Variants in NBAS observed in about 807,000 individuals in gnomAD.
NBAS encodes NBAS subunit of NRZ tethering complex.
In NBAS, 219 loss-of-function variants were observed where a neutral mutation model predicts 302.5. The observed-to-expected ratio is 0.72, with a 90% CI of 0.65 to 0.81. The LOEUF is 0.81. Among genes scored for constraint, NBAS ranks in the 30% least tolerant of loss-of-function variants. NBAS has a pLI of 0.00. For missense variants in NBAS, 2,932 were observed against 2,841.6 expected, an observed-to-expected ratio of 1.03 and a Z score of -0.72; for synonymous variants, 1,118 against 1,021.6, an observed-to-expected ratio of 1.09 and a Z score of -1.80.
At chr2:14,985,452 T>A in the NBAS span, among the ~76,000 whole-genome samples, 1 of 152,182 alleles carries the variant, frequency 6.6e-6, no homozygotes, top group Non-Finnish European at 1.5e-5. Context: ...GCAGAGACGA[T>A]AGGAAGTAAA....
the NBAS span, among the ~76,000 whole-genome samples, chr2:15,022,989 A>G: frequency 1.7e-3 from 250 of 151,332 alleles, 6 homozygotes; most frequent in South Asian, 0.031. Context: ...CACCTACATC[A>G]ACCTCCCCAC....
the NBAS span, among the ~76,000 whole-genome samples, chr2:14,911,528 G>A: frequency 6.6e-6 from 1 of 152,154 alleles, no homozygotes; most frequent in Non-Finnish European, 1.5e-5. Context: ...CGGTTTTAGA[G>A]TGAGGCACAC....
chr2:15,365,736 T>C (rs963419377), intron 32 of NBAS, among the ~76,000 whole-genome samples: 2 of 152,348 alleles, frequency 1.3e-5, no homozygotes, highest in African/African-American at 2.4e-5. Flanking sequence ...TTAAGACTCC[T>C]ACATAATACA....
intron 28 of NBAS, among the ~76,000 whole-genome samples, chr2:15,392,402 G>T (rs1675653277): frequency 6.6e-6 from 1 of 151,734 alleles, no homozygotes; most frequent in African/African-American, 2.4e-5. Flanking sequence ...AACTATTAGA[G>T]CTAATAAGTA....
At chr2:15,296,897 G>C (rs1670576463) in intron 40 of NBAS, among the ~76,000 whole-genome samples, 1 of 152,108 alleles carries the variant, frequency 6.6e-6, no homozygotes, top group Non-Finnish European at 1.5e-5. Flanking sequence ...ACAAATTATA[G>C]CCATCAGATT....
chr2:15,272,350 A>G (rs1325584495), intron 44 of NBAS, among the ~76,000 whole-genome samples: 1 of 152,228 alleles, frequency 6.6e-6, no homozygotes, highest in African/African-American at 2.4e-5. Context: ...CATTTTTAAC[A>G]TCATGTACAA....
intron 21 of NBAS, among the ~76,000 whole-genome samples, chr2:15,459,302 T>C (rs1431898461): frequency 6.6e-6 from 1 of 152,192 alleles, no homozygotes; most frequent in Non-Finnish European, 1.5e-5. Context: ...CTTTTCTCTA[T>C]ACTAACAATT....
the NBAS span, among the ~76,000 whole-genome samples, chr2:14,975,332 A>G: frequency 1.3e-5 from 2 of 152,234 alleles, no homozygotes; most frequent in East Asian, 3.8e-4. Flanking sequence ...ATATGCCTCC[A>G]TTAATATGAA....
intron 50 of NBAS, among the ~76,000 whole-genome samples, chr2:15,181,080 A>G (rs138869660): frequency 1.3e-5 from 2 of 152,338 alleles, no homozygotes; most frequent in East Asian, 3.9e-4. Context: ...TTTGGGCAAG[A>G]ATATTGTTCC....
chr2:15,107,776 G>T, the NBAS span, among the ~76,000 whole-genome samples: 1 of 151,986 alleles, frequency 6.6e-6, no homozygotes, highest in African/African-American at 2.4e-5. Context: ...AACTATCACC[G>T]CAATTCAAGA....
chr2:15,463,266 C>T (rs1367398418), intron 19 of NBAS, among the ~76,000 whole-genome samples: 1 of 152,078 alleles, frequency 6.6e-6, no homozygotes, highest in East Asian at 1.9e-4. Context: ...AGAGCAAGAC[C>T]CCGTTTCACA....
the NBAS span, among the ~76,000 whole-genome samples, chr2:14,836,511 T>G: frequency 3.3e-5 from 5 of 151,936 alleles, no homozygotes; most frequent in Non-Finnish European, 7.4e-5. Context: ...GGATATCCAA[T>G]CGTTGCAGCA....
At chr2:15,305,509 C>A (rs527868424) in intron 40 of NBAS, among the ~76,000 whole-genome samples, 1 of 147,228 alleles carries the variant, frequency 6.8e-6, no homozygotes, top group Admixed American at 6.9e-5. Flanking sequence ...CGGAGTGCAA[C>A]GGCGCGATCT....
intron 41 of NBAS, among the ~76,000 whole-genome samples, chr2:15,288,344 A>G (rs1235412475): frequency 2.0e-5 from 3 of 152,202 alleles, no homozygotes; most frequent in Non-Finnish European, 4.4e-5. Flanking sequence ...AAGACCATGA[A>G]GCTCCACGAG....
At chr2:15,507,749 T>C (rs768564758) in intron 10 of NBAS, among the ~76,000 whole-genome samples, 4 of 152,192 alleles carry the variant, frequency 2.6e-5, no homozygotes, top group Non-Finnish European at 5.9e-5. Context: ...GCGAATCCCT[T>C]GAGGGCTGCC....
chr2:15,426,819 G>A (rs1677502555), intron 22 of NBAS, among the ~76,000 whole-genome samples: 1 of 152,162 alleles, frequency 6.6e-6, no homozygotes, highest in Non-Finnish European at 1.5e-5. Context: ...CTCTGCAGGG[G>A]TGGCAGAACC....
intron 32 of NBAS, among the ~76,000 whole-genome samples, chr2:15,365,232 G>C (rs1386105944): frequency 6.6e-6 from 1 of 152,114 alleles, no homozygotes; most frequent in East Asian, 1.9e-4. Flanking sequence ...AAGACCACAG[G>C]TATTCCTGTT....
the NBAS span, among the ~76,000 whole-genome samples, chr2:14,951,451 C>T: frequency 6.6e-6 from 1 of 152,100 alleles, no homozygotes; most frequent in Non-Finnish European, 1.5e-5. Context: ...GATCAATTAC[C>T]CACGTCTGGA....
At chr2:15,035,560 T>C in the NBAS span, among the ~76,000 whole-genome samples, 1 of 152,152 alleles carries the variant, frequency 6.6e-6, no homozygotes, top group Non-Finnish European at 1.5e-5. Flanking sequence ...TGCAGCACTA[T>C]TCACAATAGC....
Sources: allele counts gnomAD v4.1 joint callset (sites outside exome capture counted in the v4.1 genomes callset), GRCh38; gene constraint gnomAD v4.1.1; transcripts MANE v1.5; gene names NCBI Gene and HGNC (gene_info 2026-07-23, HGNC 2026-07-21).